Variants in PDXDC1 observed in about 807,000 individuals in gnomAD.
PDXDC1 encodes pyridoxal-dependent decarboxylase domain-containing protein 1.
In PDXDC1, 42 loss-of-function variants were observed where a neutral mutation model predicts 100.1. That is an observed-to-expected ratio of 0.42 (90% CI 0.33 to 0.54). PDXDC1 has a LOEUF of 0.54. Ranked by LOEUF, PDXDC1 falls within the 20% of genes least tolerant of loss-of-function variation. The pLI is 0.10. For synonymous variants in PDXDC1, 260 were observed against 371.7 expected (o/e 0.70, Z 3.46); for missense variants, 636 against 979.2 (o/e 0.65, Z 4.68).
At chr16:15,132,819 C>A (rs1329963817) in intron 16 of PDXDC1, 8 of 1,442,574 alleles carry the variant, frequency 5.5e-6, no homozygotes, top group Non-Finnish European at 6.7e-6. Context: ...CGTATCTGGG[C>A]TCGGCGCTGC....
At chr16:15,143,267 C>T (rs536234641), downstream of PDXDC1, among the ~76,000 whole-genome samples, 51 of 152,190 alleles carry the variant, frequency 3.4e-4, no homozygotes, top group African/African-American at 9.6e-4. Flanking sequence ...GGCCACAGTA[C>T]GGGTCTTCAC....
intron 16 of PDXDC1, among the ~76,000 whole-genome samples, chr16:15,030,615 GCT>G (rs2042993702): frequency 6.9e-6 from 1 of 144,896 alleles, no homozygotes; most frequent in Non-Finnish European, 1.5e-5. Flanking sequence ...ACAGGGTCTT[GCT>G]CTGTCACCCA....
chr16:15,038,365 G>A (rs922126079), downstream of PDXDC1: 1 of 642,706 alleles, frequency 1.6e-6, no homozygotes, highest in South Asian at 2.1e-5. Flanking sequence ...AAAGTTGATT[G>A]CTTACTGCTT....
intron 16 of PDXDC1, chr16:15,128,254 C>T (rs779787399): frequency 1.9e-6 from 3 of 1,611,174 alleles, no homozygotes; most frequent in Non-Finnish European, 2.5e-6. Flanking sequence ...CTTCCACACG[C>T]TACCCAGGCT....
chr16:15,039,216 T>G (rs1011094261), downstream of PDXDC1, among the ~76,000 whole-genome samples: 1 of 152,214 alleles, frequency 6.6e-6, no homozygotes, highest in African/African-American at 2.4e-5. Flanking sequence ...TTCACTTTGG[T>G]AACTGACACT....
At chr16:15,084,534 T>C in intron 16 of PDXDC1, 2 of 722,604 alleles carry the variant, frequency 2.8e-6, no homozygotes, top group South Asian at 1.9e-5. Flanking sequence ...AAAAAAAACA[T>C]GCAATGTAAG....
rs555095165 is a variant in PDXDC1, at chr16:15,135,669, C to T, written c.1400-3210C>T. 40 of 1,595,200 alleles carry T rather than the reference C, an allele frequency of 2.5e-5. No homozygotes were observed. The African/African-American group carries it at 4.8e-4, about 19-fold the overall frequency. On this transcript the variant is annotated intron_variant, in intron 16 of 16. Coordinates refer to the PDXDC1 transcript ENST00000535621. The stretch of plus-strand genomic sequence containing the variant: ...CTGACCTGTGTCGAAGCCACACAGG[C>T]CCACTGGAAACTGAGCGGCGTCTGG...
chr16:15,127,098 G>A, intron 16 of PDXDC1: 2 of 355,828 alleles, frequency 5.6e-6, no homozygotes, highest in South Asian at 2.1e-5. Flanking sequence ...CGGCCACTGG[G>A]AGGTTTCTAA....
At chr16:14,995,063 A>C (rs1303617620) in intron 1 of PDXDC1, among the ~76,000 whole-genome samples, 1 of 152,298 alleles carries the variant, frequency 6.6e-6, no homozygotes, top group Non-Finnish European at 1.5e-5. Context: ...GGTTTTCTAG[A>C]TATACAATCA....
chr16:14,995,931 A>G (rs1206398953), intron 1 of PDXDC1, among the ~76,000 whole-genome samples: 3 of 152,296 alleles, frequency 2.0e-5, no homozygotes, highest in Non-Finnish European at 2.9e-5. Flanking sequence ...ATTTGCGTAG[A>G]GGTGTTTATA....
At chr16:15,148,370 A>ATT in the PDXDC1 span, among the ~76,000 whole-genome samples, 1,708 of 34,132 alleles carry the variant, frequency 0.05, 390 homozygotes, top group East Asian at 0.11. Context: ...AGATCCTGTG[A>ATT]TTTTTTTTTT....
At chr16:15,146,558 G>C in the PDXDC1 span, among the ~76,000 whole-genome samples, 1 of 152,136 alleles carries the variant, frequency 6.6e-6, no homozygotes, top group East Asian at 1.9e-4. Flanking sequence ...GAGTAGGCCG[G>C]GTCTTGTGAG....
At chr16:14,997,384 A>G in intron 1 of PDXDC1, among the ~76,000 whole-genome samples, 1 of 152,276 alleles carries the variant, frequency 6.6e-6, no homozygotes, top group African/African-American at 2.4e-5. Context: ...TACTAAAAAT[A>G]CAAAAATTAG....
intron 1 of PDXDC1, among the ~76,000 whole-genome samples, chr16:14,980,186 G>A (rs539595010): frequency 3.3e-5 from 5 of 152,412 alleles, no homozygotes; most frequent in African/African-American, 9.6e-5. Flanking sequence ...GCTATTGATG[G>A]TCCCATTTCC....
intron 16 of PDXDC1, among the ~76,000 whole-genome samples, chr16:15,114,901 T>C (rs2047187770): frequency 7.4e-6 from 1 of 134,406 alleles, no homozygotes; most frequent in Non-Finnish European, 1.6e-5. Context: ...ACACTAACAA[T>C]AGCTGATGAT....
intron 16 of PDXDC1, chr16:15,080,041 T>A (rs1453240282): frequency 6.2e-7 from 1 of 1,601,426 alleles, no homozygotes; most frequent in Non-Finnish European, 8.5e-7. Context: ...CAGAATTTCA[T>A]GCCTCAAGGT....
At chr16:15,077,766 C>G (rs571312274) in intron 16 of PDXDC1, among the ~76,000 whole-genome samples, 29 of 152,256 alleles carry the variant, frequency 1.9e-4, no homozygotes, top group African/African-American at 3.6e-4. Flanking sequence ...GCTTGAACCC[C>G]GGAGGTGGAG....
At chr16:14,992,116 C>T (rs1970984105) in intron 1 of PDXDC1, among the ~76,000 whole-genome samples, 1 of 152,260 alleles carries the variant, frequency 6.6e-6, no homozygotes, top group Admixed American at 6.5e-5. Flanking sequence ...TGTAAGGAAT[C>T]ATGAGGATAA....
At chr16:15,137,674 T>C in intron 16 of PDXDC1, 3 of 1,197,748 alleles carry the variant, frequency 2.5e-6, no homozygotes, top group Non-Finnish European at 1.2e-6. Flanking sequence ...GAGGCCTTCC[T>C]GAGCCCTGCC....
Sources: allele counts gnomAD v4.1 joint callset (sites outside exome capture counted in the v4.1 genomes callset), GRCh38; gene constraint gnomAD v4.1.1; transcripts MANE v1.5; gene names NCBI Gene and HGNC (gene_info 2026-07-23, HGNC 2026-07-21).